The following CTNNA2 variants were observed in gnomAD, a reference collection of about 807,000 sequenced individuals.
CTNNA2 encodes catenin alpha-2.
CTNNA2 carries 42 observed loss-of-function variants against 101.0 expected under a neutral mutation model. The observed-to-expected ratio is 0.42, with a 90% CI of 0.32 to 0.54. The LOEUF (loss-of-function observed/expected upper bound fraction) is 0.54. CTNNA2 is among the 20% of genes least tolerant of loss of function. The probability of loss-of-function intolerance (pLI) is 0.14; values close to 1 mark genes in which losing one functional copy is unlikely to be tolerated. For synonymous variants in CTNNA2, 450 were observed against 456.4 expected (o/e 0.99, Z 0.18); for missense variants, 871 against 1,223.1 (o/e 0.71, Z 4.29).
intron 2 of CTNNA2, among the ~76,000 whole-genome samples, chr2:79,707,347 C>A (rs1685450599): frequency 6.6e-6 from 1 of 152,176 alleles, no homozygotes; most frequent in Non-Finnish European, 1.5e-5. Flanking sequence ...AGTGTAATTA[C>A]ATGTAGAGAG....
At chr2:80,217,224 G>A (rs1708324154) in intron 7 of CTNNA2, among the ~76,000 whole-genome samples, 1 of 152,008 alleles carries the variant, frequency 6.6e-6, no homozygotes, top group Non-Finnish European at 1.5e-5. Flanking sequence ...GGGTTGGTTG[G>A]CATATATATA....
At chr2:79,210,104 G>GTGTGTGTGTGTGTGTGTGTGTGTA in intron 2 of CTNNA2, among the ~76,000 whole-genome samples, 2 of 151,774 alleles carry the variant, frequency 1.3e-5, no homozygotes, top group Admixed American at 1.3e-4. Flanking sequence ...GTGTGTGTGT[G>GTGTGTGTGTGTGTGTGTGTGTGTA]TGTGTGTGTG....
At chr2:79,584,846 AC>A (rs1450654453) in intron 1 of CTNNA2, among the ~76,000 whole-genome samples, 1 of 152,056 alleles carries the variant, frequency 6.6e-6, no homozygotes, top group Non-Finnish European at 1.5e-5. Context: ...TGCACTTGAA[AC>A]CAGTTTATTT....
intron 16 of CTNNA2, among the ~76,000 whole-genome samples, chr2:80,606,055 C>G (rs1697975165): frequency 6.6e-6 from 1 of 151,530 alleles, no homozygotes; most frequent in Non-Finnish European, 1.5e-5. Context: ...AAAAAATTAC[C>G]AACTAGAAAA....
intron 9 of CTNNA2, among the ~76,000 whole-genome samples, chr2:80,530,841 G>A (rs950547507): frequency 3.9e-5 from 6 of 152,184 alleles, no homozygotes; most frequent in African/African-American, 1.4e-4. Flanking sequence ...CAGGGGAAAA[G>A]CATGGAAAAA....
intron 2 of CTNNA2, among the ~76,000 whole-genome samples, chr2:79,287,558 A>G (rs948229298): frequency 2.5e-5 from 1 of 40,014 alleles, no homozygotes; most frequent in African/African-American, 1.2e-4. Flanking sequence ...CCTCCCAGTT[A>G]GGCTGCTCAG....
At chr2:79,200,031 C>CAG (rs10649485) in intron 2 of CTNNA2, among the ~76,000 whole-genome samples, 17,996 of 149,862 alleles carry the variant, frequency 0.12, 1,198 homozygotes, top group African/African-American at 0.17. Flanking sequence ...GAGAATGAGA[C>CAG]AGAGAGAGAG....
At position 79,335,999 on chromosome 2, in the gene CTNNA2, A is replaced by G. The variant is rs1676986254; in HGVS notation, c.-318+23203A>G. 2.0e-5 allele frequency among the ~76,000 whole-genome samples: 3 copies of G among 152,208 alleles called. No individual in the cohort carries two copies. In the South Asian group the frequency reaches 6.2e-4, roughly 32 times the overall value. On this transcript the variant is annotated intron_variant, in intron 3 of 21. Coordinates refer to the CTNNA2 transcript ENST00000466387. ...TCACGTTAGGGAGAGATCAAGTAAG[A>G]AATACTGCAATAAATCTGCAAACAA...
At chr2:79,815,533 T>G (rs1233817125) in intron 3 of CTNNA2, among the ~76,000 whole-genome samples, 1 of 152,166 alleles carries the variant, frequency 6.6e-6, no homozygotes, top group African/African-American at 2.4e-5. Context: ...TTCCCCACTT[T>G]ATGTTTTTGT....
At chr2:79,902,665 C>T (rs1322668602) in intron 6 of CTNNA2, among the ~76,000 whole-genome samples, 4 of 149,168 alleles carry the variant, frequency 2.7e-5, no homozygotes, top group African/African-American at 9.9e-5. Flanking sequence ...CTGGCTCTGT[C>T]GCCCAGGCTG....
chr2:80,502,951 G>A (rs1573057637), intron 9 of CTNNA2, among the ~76,000 whole-genome samples: 11 of 152,138 alleles, frequency 7.2e-5, no homozygotes, highest in Admixed American at 7.2e-4. Context: ...AAGATAAGTT[G>A]AGCCCAGGAA....
intron 1 of CTNNA2, among the ~76,000 whole-genome samples, chr2:79,622,841 G>A (rs1679082060): frequency 6.6e-6 from 1 of 152,106 alleles, no homozygotes; most frequent in African/African-American, 2.4e-5. Context: ...GTCTGTAGGG[G>A]ATATTTCACT....
intron 9 of CTNNA2, among the ~76,000 whole-genome samples, chr2:80,454,147 A>C (rs1332408127): frequency 6.6e-6 from 1 of 152,264 alleles, no homozygotes; most frequent in East Asian, 1.9e-4. Context: ...GTTTACTCTT[A>C]TCTGCTCTAA....
chr2:80,636,473 T>A (rs1476060177), intron 18 of CTNNA2, among the ~76,000 whole-genome samples: 1 of 152,088 alleles, frequency 6.6e-6, no homozygotes, highest in Non-Finnish European at 1.5e-5. Flanking sequence ...GGTAGGCACT[T>A]CCAAACAAGA....
At chr2:79,320,781 G>T (rs773162684) in intron 3 of CTNNA2, among the ~76,000 whole-genome samples, 8 of 152,128 alleles carry the variant, frequency 5.3e-5, no homozygotes, top group African/African-American at 1.9e-4. Flanking sequence ...AAGAGCACCA[G>T]CCTGACGAAT....
chr2:79,855,957 A>C (rs746969234), intron 3 of CTNNA2, among the ~76,000 whole-genome samples: 5 of 152,204 alleles, frequency 3.3e-5, no homozygotes, highest in Non-Finnish European at 5.9e-5. Flanking sequence ...GATATTTGCC[A>C]ATGACTTTTT....
chr2:79,896,510 A>C (rs1303685060), intron 6 of CTNNA2, among the ~76,000 whole-genome samples: 2 of 152,192 alleles, frequency 1.3e-5, no homozygotes, highest in Admixed American at 6.5e-5. Context: ...TGGGAAAAGG[A>C]TATTCTTGTT....
intron 3 of CTNNA2, among the ~76,000 whole-genome samples, chr2:79,327,295 G>C (rs1043623214): frequency 2.6e-5 from 4 of 152,128 alleles, no homozygotes; most frequent in Non-Finnish European, 5.9e-5. Context: ...GATAAATCTT[G>C]CTTGAGTATT....
chr2:79,710,991 G>T lies in CTNNA2; in HGVS notation c.103-33396G>T, dbSNP rs182568990. On this transcript the variant is annotated intron_variant, in intron 2 of 18. Coordinates refer to ENST00000402739, the MANE Select transcript of CTNNA2 (RefSeq NM_001282597.3). ...ATACAGTGCTGCTAGCTGAACAAGAGGAAAAGAAATGTTGGATTATTCATA... is the reference window on the plus strand; with the variant it reads ...ATACAGTGCTGCTAGCTGAACAAGATGAAAAGAAATGTTGGATTATTCATA... 1.4e-4 allele frequency among the ~76,000 whole-genome samples: 21 copies of T among 152,232 alleles called. 1 individual carries two copies. In the East Asian group the frequency reaches 3.9e-3, roughly 28 times the overall value.
Sources: gnomAD v4.1 joint callset for allele counts (sites outside exome capture counted in the v4.1 genomes callset) on GRCh38, gnomAD v4.1.1 for gene constraint, MANE v1.5 for transcripts, NCBI Gene and HGNC (gene_info 2026-07-23, HGNC 2026-07-21) for gene names.